VPS50: variants seen among roughly 807,000 people sequenced by gnomAD.
VPS50 encodes the protein syndetin.
Under a neutral mutation model 139.7 loss-of-function variants are expected in VPS50, and 70 were observed. That is an observed-to-expected ratio of 0.50 (90% CI 0.41 to 0.61). The LOEUF is 0.61. Among genes scored for constraint, VPS50 ranks in the 20% least tolerant of loss-of-function variants. The pLI, the probability that VPS50 is intolerant of heterozygous loss-of-function variation, is 0.00. For synonymous variants in VPS50, 365 were observed against 376.7 expected (o/e 0.97, Z 0.36); for missense variants, 921 against 1,133.7 (o/e 0.81, Z 2.69).
chr7:93,263,775 A>G (rs1321329825), intron 9 of VPS50, among the ~76,000 whole-genome samples: 1 of 152,218 alleles, frequency 6.6e-6, no homozygotes, highest in African/African-American at 2.4e-5. Flanking sequence ...TGCCAAGTAT[A>G]ATCGGCTCTC....
intron 23 of VPS50, among the ~76,000 whole-genome samples, chr7:93,347,480 A>G (rs1179707898): frequency 1.9e-5 from 2 of 104,898 alleles, no homozygotes; most frequent in Non-Finnish European, 3.6e-5. Flanking sequence ...TACTGGGTAT[A>G]TACCCAAAGG....
At chr7:93,313,887 C>T (rs1211035598) in intron 20 of VPS50, among the ~76,000 whole-genome samples, 4 of 152,130 alleles carry the variant, frequency 2.6e-5, no homozygotes, top group African/African-American at 7.2e-5. Context: ...GAAACAATGC[C>T]GAGTATGACA....
chr7:93,325,393 A>G (rs1377940854), intron 21 of VPS50, among the ~76,000 whole-genome samples: 4 of 152,098 alleles, frequency 2.6e-5, no homozygotes. Context: ...GGCATGGGCA[A>G]GGACTTCATG....
At chr7:93,278,205 C>T (rs1242118503) in intron 12 of VPS50, among the ~76,000 whole-genome samples, 2 of 152,078 alleles carry the variant, frequency 1.3e-5, no homozygotes, top group African/African-American at 4.8e-5. Context: ...ATTTATATAA[C>T]AAAAAGCTGA....
intron 12 of VPS50, among the ~76,000 whole-genome samples, chr7:93,279,832 A>ATT (rs1345588507): frequency 6.6e-6 from 1 of 152,222 alleles, no homozygotes; most frequent in East Asian, 1.9e-4. Context: ...TAAGAGGCAG[A>ATT]TTTGAGTTCC....
intron 2 of VPS50, among the ~76,000 whole-genome samples, chr7:93,240,950 A>T (rs1239245319): frequency 2.0e-5 from 3 of 152,158 alleles, no homozygotes; most frequent in Non-Finnish European, 4.4e-5. Flanking sequence ...ACAAAAACTT[A>T]AGAAAAGCAT....
intron 9 of VPS50, among the ~76,000 whole-genome samples, chr7:93,267,668 C>T (rs907264851): frequency 2.6e-5 from 4 of 152,014 alleles, no homozygotes; most frequent in African/African-American, 4.8e-5. Context: ...AGTTACTTAG[C>T]AGGGAAGGAC....
At chr7:93,296,973 A>G in intron 15 of VPS50, 137 bp downstream of exon 15, 1 of 1,434,304 alleles carries the variant, frequency 7.0e-7, no homozygotes, top group East Asian at 2.7e-5. Context: ...AGTGTATTTA[A>G]ATATTTCTGC....
At chr7:93,279,373 A>G (rs1425157138) in intron 12 of VPS50, among the ~76,000 whole-genome samples, 1 of 152,184 alleles carries the variant, frequency 6.6e-6, no homozygotes, top group African/African-American at 2.4e-5. Context: ...TCTATAAAAT[A>G]TAGTGGTTAG....
intron 20 of VPS50, among the ~76,000 whole-genome samples, chr7:93,316,489 A>T (rs1304120833): frequency 2.0e-5 from 3 of 152,226 alleles, no homozygotes; most frequent in African/African-American, 7.2e-5. Context: ...ATAAGCCTGG[A>T]TATGGATGGC....
At chr7:93,239,686 T>C (rs1794920911) in intron 1 of VPS50, among the ~76,000 whole-genome samples, 180 bp from the exon 2 acceptor site, 1 of 152,214 alleles carries the variant, frequency 6.6e-6, no homozygotes, top group Non-Finnish European at 1.5e-5. Context: ...CACCCTTCTC[T>C]GATTTAATAA....
intron 2 of VPS50, among the ~76,000 whole-genome samples, chr7:93,242,824 A>G (rs1177049125): frequency 2.6e-5 from 4 of 151,926 alleles, no homozygotes; most frequent in African/African-American, 9.7e-5. Flanking sequence ...TTACATGAAA[A>G]GGTTCCAGTA....
intron 27 of VPS50, 45 bp from the exon 28 acceptor site, chr7:93,358,272 C>A: frequency 6.3e-7 from 1 of 1,593,258 alleles, no homozygotes; most frequent in Non-Finnish European, 8.6e-7. Flanking sequence ...TGATCAGATA[C>A]ATTCCTTTTA....
At chr7:93,235,557 G>C (rs2116759245) in intron 1 of VPS50, among the ~76,000 whole-genome samples, 1 of 152,250 alleles carries the variant, frequency 6.6e-6, no homozygotes, top group Admixed American at 6.5e-5. Context: ...GTCAGACTGT[G>C]AATATGCTGT....
chr7:93,358,339 C>T lies in VPS50; in HGVS notation c.2798C>T (p.Thr933Ile), dbSNP rs770087064. Reference protein sequence around the residue: ...EHREYSTKQLTNLVNVCLGSH... With the variant: ...EHREYSTKQLINLVNVCLGSH... ...CAGGAATATTCAACGAAGCAGCTGACCAATCTGGTGAATGTTTGCCTGGGA... is the reference window on the plus strand; with the variant it reads ...CAGGAATATTCAACGAAGCAGCTGATCAATCTGGTGAATGTTTGCCTGGGA... The change falls in exon 28 of 28, where the codon ACC becomes ATC. Residue 933 changes from threonine (T) to isoleucine (I), a missense_variant. By Grantham distance (89) the Thr-to-Ile change is moderately conservative (BLOSUM62 -1). Coordinates refer to ENST00000305866, the MANE Select transcript of VPS50 (RefSeq NM_017667.4). 6.2e-7 allele frequency: 1 copy of T among 1,612,804 alleles called. No individual in the cohort carries two copies. Among genetic ancestry groups the T allele is most frequent in the South Asian group, 1.1e-5 (1 of 91,056 alleles).
intron 13 of VPS50, among the ~76,000 whole-genome samples, chr7:93,292,542 T>TA (rs2116939467): frequency 6.6e-6 from 1 of 152,278 alleles, no homozygotes; most frequent in South Asian, 2.1e-4. Flanking sequence ...GCATTTTGTT[T>TA]AATATGGATA....
intron 2 of VPS50, among the ~76,000 whole-genome samples, chr7:93,245,059 T>C (rs1447333786): frequency 6.6e-6 from 1 of 151,462 alleles, no homozygotes; most frequent in African/African-American, 2.4e-5. Flanking sequence ...TCAACCTGAG[T>C]GGGGGAGACA....
At chr7:93,347,593 T>C in intron 23 of VPS50, among the ~76,000 whole-genome samples, 1 of 137,900 alleles carries the variant, frequency 7.3e-6, no homozygotes, top group Non-Finnish European at 1.5e-5. Flanking sequence ...CCAACAATGA[T>C]AGACTCGATT....
chr7:93,334,255 C>A, intron 22 of VPS50, 58 bp downstream of exon 22: 2 of 927,946 alleles, frequency 2.2e-6, no homozygotes, highest in Non-Finnish European at 3.4e-6. Flanking sequence ...ATTAGCTATT[C>A]AATCAATTTC....
Sources: gnomAD v4.1 joint callset for allele counts (sites outside exome capture counted in the v4.1 genomes callset) on GRCh38, gnomAD v4.1.1 for gene constraint, MANE v1.5 for transcripts, NCBI Gene and HGNC (gene_info 2026-07-23, HGNC 2026-07-21) for gene names.